Variants in EPHA6 observed in about 807,000 individuals in gnomAD.
EPHA6 encodes the protein ephrin type-A receptor 6.
EPHA6 carries 50 observed loss-of-function variants against 112.0 expected under a neutral mutation model. That is an observed-to-expected ratio of 0.45 (90% CI 0.36 to 0.56). The LOEUF (loss-of-function observed/expected upper bound fraction) is 0.56. EPHA6 is among the 20% of genes least tolerant of loss of function. EPHA6 has a pLI of 0.00. For missense variants in EPHA6, 1,280 were observed against 1,417.4 expected (o/e 0.90, Z 1.56); for synonymous variants, 529 against 490.7 (o/e 1.08, Z -1.03).
intron 14 of EPHA6, among the ~76,000 whole-genome samples, chr3:97,653,561 T>TA (rs2094120169): frequency 6.6e-6 from 1 of 151,906 alleles, no homozygotes; most frequent in African/African-American, 2.4e-5. Context: ...CATGGTAATG[T>TA]AAATTGGTAC....
At chr3:97,277,416 A>T (rs112342768) in intron 5 of EPHA6, among the ~76,000 whole-genome samples, 19 of 152,154 alleles carry the variant, frequency 1.2e-4, no homozygotes, top group Non-Finnish European at 2.9e-5. Context: ...TAATGTCATC[A>T]GTTAAGGCAG....
At chr3:97,229,629 T>C (rs896371216) in intron 4 of EPHA6, among the ~76,000 whole-genome samples, 3 of 152,324 alleles carry the variant, frequency 2.0e-5, no homozygotes, top group Non-Finnish European at 2.9e-5. Flanking sequence ...ACTAGACTTA[T>C]GTAATGTCAC....
Position 97,016,505 on chromosome 3 carries a change from G to T in EPHA6, c.1114+28512G>T, listed in dbSNP as rs539193063. ...ATAAATTATGTATTTACTTTAAAAT[G>T]CATACAATTCAGTTAAAATCAAGAG... On this transcript the variant is annotated intron_variant, in intron 3 of 17. Coordinates refer to ENST00000389672, the MANE Select transcript of EPHA6 (RefSeq NM_001080448.3). Among the ~76,000 whole-genome samples, 7 of 152,150 alleles carry T rather than the reference G, an allele frequency of 4.6e-5. No individual in the cohort carries two copies. In the South Asian group the frequency reaches 1.2e-3, roughly 27 times the overall value.
intron 11 of EPHA6, among the ~76,000 whole-genome samples, chr3:97,551,282 C>A (rs2093025503): frequency 6.6e-6 from 1 of 152,128 alleles, no homozygotes. Flanking sequence ...AGAAATAGAG[C>A]ACAGTCTTCT....
chr3:97,386,444 A>G (rs1414313499), intron 5 of EPHA6, among the ~76,000 whole-genome samples: 2 of 152,176 alleles, frequency 1.3e-5, no homozygotes, highest in African/African-American at 4.8e-5. Context: ...TCAAAATCCA[A>G]TAGGGCAGTC....
intron 5 of EPHA6, among the ~76,000 whole-genome samples, chr3:97,316,076 C>A (rs562441274): frequency 4.6e-5 from 7 of 151,692 alleles, no homozygotes; most frequent in Admixed American, 6.6e-5. Flanking sequence ...TTATTTAGAA[C>A]CCTTAAATTA....
chr3:97,571,902 C>A (rs1009665155), intron 11 of EPHA6, among the ~76,000 whole-genome samples: 2 of 152,196 alleles, frequency 1.3e-5, no homozygotes, highest in African/African-American at 4.8e-5. Context: ...TGGCAAAGAA[C>A]CATCATTGCA....
At chr3:97,336,096 C>A (rs2083043252) in intron 5 of EPHA6, among the ~76,000 whole-genome samples, 1 of 152,094 alleles carries the variant, frequency 6.6e-6, no homozygotes, top group African/African-American at 2.4e-5. Flanking sequence ...TAGAATCTTG[C>A]AGCCTCCAGT....
At chr3:97,111,624 A>G (rs1291011966) in intron 3 of EPHA6, among the ~76,000 whole-genome samples, 2 of 152,080 alleles carry the variant, frequency 1.3e-5, no homozygotes, top group African/African-American at 4.8e-5. Flanking sequence ...GAAAGCCCTT[A>G]TTTATATTAT....
intron 11 of EPHA6, among the ~76,000 whole-genome samples, chr3:97,564,333 C>A (rs2093231943): frequency 6.6e-6 from 1 of 152,030 alleles, no homozygotes; most frequent in Non-Finnish European, 1.5e-5. Flanking sequence ...TTGTTTAATA[C>A]CATTCTGAAG....
chr3:96,955,885 C>T (rs1358025378), intron 2 of EPHA6, among the ~76,000 whole-genome samples: 5 of 152,214 alleles, frequency 3.3e-5, no homozygotes, highest in Non-Finnish European at 7.4e-5. Flanking sequence ...CAAATACAAA[C>T]TATGTTTTTT....
At chr3:97,067,048 T>TAGA (rs1030789271) in intron 3 of EPHA6, among the ~76,000 whole-genome samples, 2 of 152,238 alleles carry the variant, frequency 1.3e-5, no homozygotes, top group Non-Finnish European at 2.9e-5. Flanking sequence ...GTTCACCAGA[T>TAGA]AGAAGACTTT....
chr3:97,198,684 A>T (rs1405702413), intron 3 of EPHA6, among the ~76,000 whole-genome samples: 6 of 152,182 alleles, frequency 3.9e-5, no homozygotes, highest in Non-Finnish European at 7.4e-5. Flanking sequence ...AGGTAACATA[A>T]TAAAAATTAT....
At chr3:97,622,955 A>ATTT (rs113591597) in intron 13 of EPHA6, among the ~76,000 whole-genome samples, 1 of 150,370 alleles carries the variant, frequency 6.7e-6, no homozygotes, top group African/African-American at 2.5e-5. Context: ...AGGTTGCTTG[A>ATTT]TTTTTTTTTG....
At chr3:97,727,780 C>T (rs770668342) in intron 15 of EPHA6, among the ~76,000 whole-genome samples, 12 of 152,042 alleles carry the variant, frequency 7.9e-5, no homozygotes, top group South Asian at 2.1e-4. Flanking sequence ...AATAGGCTAT[C>T]GCAGTATTTT....
chr3:97,302,780 C>T (rs1222690162), intron 5 of EPHA6, among the ~76,000 whole-genome samples: 4 of 151,620 alleles, frequency 2.6e-5, no homozygotes, highest in African/African-American at 9.7e-5. Context: ...AGGATAATTC[C>T]TTAATTGTAA....
intron 5 of EPHA6, among the ~76,000 whole-genome samples, chr3:97,375,167 T>G (rs2085282818): frequency 6.6e-6 from 1 of 152,158 alleles, no homozygotes; most frequent in Admixed American, 6.6e-5. Context: ...AGAACTATGT[T>G]TTCTACATAC....
intron 1 of EPHA6, among the ~76,000 whole-genome samples, chr3:96,834,427 A>G (rs1186492226): frequency 2.0e-5 from 3 of 151,986 alleles, no homozygotes; most frequent in Admixed American, 2.0e-4. Flanking sequence ...AAGAATTAGA[A>G]GTAAGTAGGA....
intron 5 of EPHA6, among the ~76,000 whole-genome samples, chr3:97,249,196 A>T (rs995052214): frequency 2.0e-5 from 3 of 152,136 alleles, no homozygotes; most frequent in African/African-American, 7.2e-5. Context: ...TATTTTCCAT[A>T]TTTCTTATAC....
Sources: gnomAD v4.1 joint callset for allele counts (sites outside exome capture counted in the v4.1 genomes callset) on GRCh38, gnomAD v4.1.1 for gene constraint, MANE v1.5 for transcripts, NCBI Gene and HGNC (gene_info 2026-07-23, HGNC 2026-07-21) for gene names.